CD2AP: variants seen among roughly 807,000 people sequenced by gnomAD.
CD2AP encodes CD2-associated protein.
CD2AP carries 46 observed loss-of-function variants against 85.1 expected under a neutral mutation model. The observed-to-expected ratio is 0.54, with a 90% CI of 0.43 to 0.69. CD2AP has a LOEUF of 0.69. Ranked by LOEUF, CD2AP falls within the 30% of genes least tolerant of loss-of-function variation. CD2AP has a pLI of 0.00. For synonymous variants in CD2AP, 255 were observed against 252.9 expected, an observed-to-expected ratio of 1.01 and a Z score of -0.08; for missense variants, 769 against 729.5, an observed-to-expected ratio of 1.05 and a Z score of -0.62.
chr6:47,484,559 A>G (rs1183260999), intron 1 of CD2AP, among the ~76,000 whole-genome samples: 1 of 152,160 alleles, frequency 6.6e-6, no homozygotes, highest in Non-Finnish European at 1.5e-5. Context: ...CTGGCTTAAG[A>G]TGTTGTTCCA....
intron 3 of CD2AP, among the ~76,000 whole-genome samples, chr6:47,540,385 T>G (rs1255775869): frequency 2.0e-5 from 3 of 152,100 alleles, no homozygotes; most frequent in Non-Finnish European, 4.4e-5. Flanking sequence ...GTGCTGGCAG[T>G]TAAATTAATG....
At chr6:47,556,625 A>G (rs111743366) in intron 5 of CD2AP, among the ~76,000 whole-genome samples, 111 of 152,218 alleles carry the variant, frequency 7.3e-4, no homozygotes, top group African/African-American at 2.6e-3. Context: ...CTGAGATTAC[A>G]GGCGGGAGCC....
At chr6:47,559,725 T>A (rs1050979483) in intron 5 of CD2AP, among the ~76,000 whole-genome samples, 1 of 152,226 alleles carries the variant, frequency 6.6e-6, no homozygotes, top group Non-Finnish European at 1.5e-5. Flanking sequence ...CTTGACACTT[T>A]TGTCTTCATC....
chr6:47,598,778 A>G (rs1769022660), intron 12 of CD2AP, among the ~76,000 whole-genome samples: 1 of 150,740 alleles, frequency 6.6e-6, no homozygotes, highest in Non-Finnish European at 1.5e-5. Context: ...AGTGAAGGAT[A>G]AAAGACTGCA....
rs780941458 is a variant in CD2AP, at chr6:47,612,552, C to G, written c.1878+16C>G. On this transcript the variant is annotated intron_variant, in intron 17 of 17. Coordinates refer to ENST00000359314, the MANE Select transcript of CD2AP (RefSeq NM_012120.3). ...TAATCTAGAGGTAATTAATTTCTTC[C>G]AGCATTGAGAGTTTAGTGAGCATAA... 1 of 1,569,816 alleles carries G rather than the reference C, an allele frequency of 6.4e-7. No homozygotes were observed. Among genetic ancestry groups the G allele is most frequent in the South Asian group, 1.1e-5 (1 of 89,856 alleles).
intron 1 of CD2AP, among the ~76,000 whole-genome samples, chr6:47,488,863 CCTGTGCAACTGAGTGAGTCTTT>C (rs1765645199): frequency 6.6e-6 from 1 of 152,046 alleles, no homozygotes; most frequent in Non-Finnish European, 1.5e-5. Context: ...TGCACTCCAG[CCTGTGCAACTGAGTGAGTCTTT>C]CTTAAAAAAA....
intron 16 of CD2AP, among the ~76,000 whole-genome samples, chr6:47,610,987 G>T (rs377474329): frequency 0.44 from 38,194 of 86,918 alleles, 6,594 homozygotes; most frequent in Middle Eastern, 0.57. Flanking sequence ...TTTTTTTTTT[G>T]AATATAAAAC....
chr6:47,550,447 T>C (rs1767485678), intron 4 of CD2AP, among the ~76,000 whole-genome samples: 2 of 152,166 alleles, frequency 1.3e-5, no homozygotes, highest in Non-Finnish European at 1.5e-5. Flanking sequence ...CATGAAGACA[T>C]GTTCAACATC....
At chr6:47,522,929 T>C (rs543210235) in intron 2 of CD2AP, among the ~76,000 whole-genome samples, 1 of 151,984 alleles carries the variant, frequency 6.6e-6, no homozygotes, top group Non-Finnish European at 1.5e-5. Context: ...ATATAGCTAC[T>C]TTGGAAAGTC....
intron 2 of CD2AP, among the ~76,000 whole-genome samples, chr6:47,507,253 C>T (rs982142363): frequency 2.0e-5 from 3 of 152,206 alleles, no homozygotes; most frequent in Non-Finnish European, 2.9e-5. Flanking sequence ...ACTTCCCCCA[C>T]TTAGTCTTGA....
chr6:47,599,521 A>G (rs1769057808), intron 13 of CD2AP, 78 bp downstream of exon 13: 5 of 1,271,976 alleles, frequency 3.9e-6, no homozygotes, highest in Non-Finnish European at 5.6e-6. Flanking sequence ...ATATTTATGC[A>G]ATTTGTGTGT....
At chr6:47,507,863 A>C (rs1766215601) in intron 2 of CD2AP, among the ~76,000 whole-genome samples, 1 of 152,248 alleles carries the variant, frequency 6.6e-6, no homozygotes, top group African/African-American at 2.4e-5. Context: ...GTACATTTCC[A>C]ACAGAGCTCT....
chr6:47,537,998 G>A (rs1305960771), intron 3 of CD2AP, among the ~76,000 whole-genome samples: 2 of 151,860 alleles, frequency 1.3e-5, no homozygotes, highest in African/African-American at 2.4e-5. Context: ...TGATCTGCCC[G>A]CCTCAGCCTC....
At chr6:47,505,011 C>CTTTTTTTT (rs58060161) in intron 2 of CD2AP, among the ~76,000 whole-genome samples, 10 of 95,110 alleles carry the variant, frequency 1.1e-4, no homozygotes, top group Admixed American at 2.6e-4. Flanking sequence ...GTGGCAGTTT[C>CTTTTTTTT]TTTTTTTTTT....
At chr6:47,600,699 A>G (rs952261596) in intron 13 of CD2AP, among the ~76,000 whole-genome samples, 16 of 151,996 alleles carry the variant, frequency 1.1e-4, no homozygotes, top group African/African-American at 3.9e-4. Context: ...TAAACAGAAA[A>G]AGAATCCTCA....
At chr6:47,514,755 T>G (rs2113998205) in intron 2 of CD2AP, among the ~76,000 whole-genome samples, 1 of 152,166 alleles carries the variant, frequency 6.6e-6, no homozygotes, top group East Asian at 1.9e-4. Flanking sequence ...AGAAAGGGGA[T>G]TAAAAGTAAA....
intron 12 of CD2AP, among the ~76,000 whole-genome samples, chr6:47,598,512 A>G (rs1769011930): frequency 6.6e-6 from 1 of 151,126 alleles, no homozygotes; most frequent in Non-Finnish European, 1.5e-5. Context: ...GATGCCCATG[A>G]ATCAACGAGT....
Position 47,477,936 on chromosome 6 carries a change from C to T in CD2AP, c.-309C>T. ...CAAACCGGTGGGTCCCTCCCCACTG[C>T]GGGAGCGGCCAGGGTGGGAAAACCG... On this transcript the variant is annotated 5_prime_UTR_variant, in exon 1 of 18. Coordinates refer to ENST00000359314, the MANE Select transcript of CD2AP (RefSeq NM_012120.3). 1 of 495,052 alleles carries T rather than the reference C, an allele frequency of 2.0e-6. No individual in the cohort carries two copies. Among genetic ancestry groups the T allele is most frequent in the South Asian group, 2.3e-5 (1 of 43,052 alleles). 30.7% of individuals were successfully genotyped at this position (495,052 alleles called of 1,614,324 possible).
At chr6:47,479,093 C>T (rs747990674) in intron 1 of CD2AP, among the ~76,000 whole-genome samples, 1 of 152,130 alleles carries the variant, frequency 6.6e-6, no homozygotes, top group Non-Finnish European at 1.5e-5. Context: ...TAAACTAACT[C>T]CCTCAATCCT....
Sources: allele counts gnomAD v4.1 joint callset (sites outside exome capture counted in the v4.1 genomes callset), GRCh38; gene constraint gnomAD v4.1.1; transcripts MANE v1.5; gene names NCBI Gene and HGNC (gene_info 2026-07-23, HGNC 2026-07-21).